UBA6: variants seen among roughly 807,000 people sequenced by gnomAD.
UBA6 encodes ubiquitin-like modifier-activating enzyme 6.
In UBA6, 87 loss-of-function variants were observed where a neutral mutation model predicts 148.3. The observed-to-expected ratio is 0.59, with a 90% CI of 0.49 to 0.70. UBA6 has a LOEUF of 0.70. Ranked by LOEUF, UBA6 falls within the 30% of genes least tolerant of loss-of-function variation. UBA6 has a pLI of 0.00. For missense variants in UBA6, 1,186 were observed against 1,241.2 expected, an observed-to-expected ratio of 0.96 and a Z score of 0.67; for synonymous variants, 376 against 401.0, an observed-to-expected ratio of 0.94 and a Z score of 0.75.
rs1240426335 is a variant in UBA6, at chr4:67,618,805, T to TA, written c.*191dup. 1 of 515,614 alleles carries TA rather than the reference T, an allele frequency of 1.9e-6. No individual in the cohort carries two copies. Among genetic ancestry groups the TA allele is most frequent in the African/African-American group, 2.0e-5 (1 of 50,936 alleles). The allele number at this position is 515,614 out of a possible 1,614,324, so 31.9% of individuals were successfully genotyped here. A position where few individuals can be genotyped will look rare whatever the true frequency, so the allele number is the denominator to read the frequency against. The stretch of plus-strand genomic sequence containing the variant: ...GTGATCATAGCCACGTGTGAACCGT[T>TA]AGACAAGTGTATGCTATGCCCCAAA... On this transcript the variant is annotated 3_prime_UTR_variant, in exon 33 of 33. Coordinates refer to ENST00000322244, the MANE Select transcript of UBA6 (RefSeq NM_018227.6).
chr4:67,630,964 A>G (rs1206626159), intron 25 of UBA6, among the ~76,000 whole-genome samples: 4 of 152,392 alleles, frequency 2.6e-5, no homozygotes, highest in South Asian at 4.1e-4. Flanking sequence ...GCAGTCCAGC[A>G]TAAGGTGACT....
chr4:67,636,163 G>A (rs928137313), intron 19 of UBA6, among the ~76,000 whole-genome samples: 1 of 152,152 alleles, frequency 6.6e-6, no homozygotes, highest in Admixed American at 6.5e-5. Context: ...GACATCATAT[G>A]TTGGGCACTG....
At chr4:67,648,237 G>A (rs1296965411) in intron 14 of UBA6, among the ~76,000 whole-genome samples, 1 of 151,576 alleles carries the variant, frequency 6.6e-6, no homozygotes, top group Non-Finnish European at 1.5e-5. Context: ...GGGAGGCCGA[G>A]GCGGGTGGAT....
intron 30 of UBA6, among the ~76,000 whole-genome samples, 164 bp from the exon 31 acceptor site, chr4:67,623,386 T>A (rs1413534748): frequency 6.6e-6 from 1 of 152,164 alleles, no homozygotes; most frequent in Non-Finnish European, 1.5e-5. Context: ...TATTCCATAA[T>A]CTTATTTCTT....
At chr4:67,689,682 C>T (rs1005786699) in intron 2 of UBA6, among the ~76,000 whole-genome samples, 13 of 152,058 alleles carry the variant, frequency 8.5e-5, no homozygotes, top group African/African-American at 2.9e-4. Context: ...GTGTAAGTGC[C>T]TTCTTAGTAT....
chr4:67,681,963 A>G (rs182048036), intron 3 of UBA6, among the ~76,000 whole-genome samples, 156 bp downstream of exon 3: 100 of 152,360 alleles, frequency 6.6e-4, no homozygotes, highest in African/African-American at 2.3e-3. Context: ...AGAATATAAC[A>G]TCACGAAATA....
At chr4:67,695,007 G>T (rs1045472953) in intron 2 of UBA6, among the ~76,000 whole-genome samples, 3 of 152,180 alleles carry the variant, frequency 2.0e-5, no homozygotes, top group African/African-American at 7.2e-5. Context: ...GCAAACTGCA[G>T]CCTACTTACG....
chr4:67,701,116 C>A lies in UBA6; in HGVS notation c.4G>T (p.Glu2Ter), dbSNP rs1730973507. 6.2e-7 allele frequency: 1 copy of A among 1,613,138 alleles called. No homozygotes were observed. The highest frequency in any genetic ancestry group is 8.5e-7 in the Non-Finnish European group (1 of 1,179,822). Residue 2 changes from glutamate (E) to a stop codon, truncating the protein, a stop_gained, in exon 1 of 33, where the codon GAA (glutamate) becomes TAA (stop). Coordinates refer to ENST00000322244, the MANE Select transcript of UBA6 (RefSeq NM_018227.6). LOFTEE classifies it high-confidence loss of function. ...TGGGCGGCCACAGGCTCGGATCCTT[C>A]CATTGCCGCCTGAGACACCGCCGCC... is the stretch of plus-strand genomic sequence containing the variant. M[E>*]GSEPVAAHQG...
chr4:67,659,202 A>C (rs1428917485), intron 13 of UBA6, among the ~76,000 whole-genome samples: 1 of 152,044 alleles, frequency 6.6e-6, no homozygotes, highest in Non-Finnish European at 1.5e-5. Flanking sequence ...TACATTTATT[A>C]TTTCTTTCTT....
intron 14 of UBA6, among the ~76,000 whole-genome samples, chr4:67,647,940 A>AT (rs1372118608): frequency 6.6e-6 from 1 of 150,780 alleles, no homozygotes; most frequent in Non-Finnish European, 1.5e-5. Context: ...TGCCCGGCTA[A>AT]TTTTTTGTAT....
At chr4:67,653,618 T>C (rs1729611558) in intron 13 of UBA6, among the ~76,000 whole-genome samples, 1 of 151,946 alleles carries the variant, frequency 6.6e-6, no homozygotes, top group Non-Finnish European at 1.5e-5. Context: ...AAAACCAGAG[T>C]GCCTCTTCTC....
chr4:67,686,728 G>T (rs1312630775), intron 2 of UBA6, among the ~76,000 whole-genome samples: 1 of 151,706 alleles, frequency 6.6e-6, no homozygotes. Context: ...GAAGCGGGAG[G>T]ATCACTTGAG....
At chr4:67,671,484 C>CT (rs1040824709) in intron 7 of UBA6, among the ~76,000 whole-genome samples, 7 of 148,996 alleles carry the variant, frequency 4.7e-5, no homozygotes, top group Non-Finnish European at 7.4e-5. Context: ...AACTTAGAAG[C>CT]TTTTTTTTTA....
rs1276590826 is a variant in UBA6 at position 67,668,655 on chromosome 4, G to T, written c.689C>A (p.Thr230Asn). The part of the protein sequence containing the change: ...NITQANPGIV[T>N]CLENHPHKLE... ...TTTGTGAGGATGATTTTCAAGGCAA[G>T]TAACAATGCCAGGATTTGCCTAAAA... Residue 230 changes from threonine (T) to asparagine (N), a missense_variant, in exon 9 of 33, where the codon ACT becomes AAT. Coordinates refer to ENST00000322244, the MANE Select transcript of UBA6 (RefSeq NM_018227.6). The T allele has an allele frequency of 6.2e-7, 1 of 1,612,830 alleles. No homozygotes were observed.
chr4:67,623,765 C>T (rs1423081710), intron 30 of UBA6, among the ~76,000 whole-genome samples: 1 of 151,836 alleles, frequency 6.6e-6, no homozygotes, highest in Non-Finnish European at 1.5e-5. Flanking sequence ...TGGTTGTTGC[C>T]AATCTGAAAA....
At chr4:67,670,956 T>C (rs1730134004) in intron 7 of UBA6, among the ~76,000 whole-genome samples, 1 of 152,154 alleles carries the variant, frequency 6.6e-6, no homozygotes, top group Non-Finnish European at 1.5e-5. Flanking sequence ...TTCTTACTTG[T>C]TATTTTAGGA....
intron 28 of UBA6, among the ~76,000 whole-genome samples, chr4:67,625,889 T>C (rs72848570): frequency 4.0e-4 from 61 of 152,080 alleles, no homozygotes; most frequent in African/African-American, 1.3e-3. Context: ...TAGGTCATTC[T>C]GTATTCCCTG....
rs956263259 is a variant in UBA6 at position 67,629,257 on chromosome 4, A to C, written c.2329-115T>G. 2.1e-5 allele frequency: 14 copies of C among 681,586 alleles called. No individual in the cohort carries two copies. The African/African-American group carries it at 2.5e-4, about 12-fold the overall frequency. 42.2% of individuals were successfully genotyped at this position (681,586 alleles called of 1,614,324 possible). ...CAATATATGAATATTTCATTATCTG[A>C]ATATGTAGACATCCATTTGAGACAT... is the stretch of plus-strand genomic sequence containing the variant. On this transcript the variant is annotated intron_variant, in intron 26 of 32. Transcript: ENST00000322244.
At chr4:67,680,139 C>T (rs1184023991) in intron 4 of UBA6, among the ~76,000 whole-genome samples, 1 of 152,106 alleles carries the variant, frequency 6.6e-6, no homozygotes, top group African/African-American at 2.4e-5. Context: ...TGTAAATGTA[C>T]AATCCATACT....
Sources: allele counts gnomAD v4.1 joint callset (sites outside exome capture counted in the v4.1 genomes callset), GRCh38; gene constraint gnomAD v4.1.1; transcripts MANE v1.5; gene names NCBI Gene and HGNC (gene_info 2026-07-23, HGNC 2026-07-21).